Variants in ERI1 observed in about 807,000 individuals in gnomAD.
ERI1 encodes 3'-5' exoribonuclease 1.
ERI1 carries 39 observed loss-of-function variants against 39.7 expected under a neutral mutation model. The observed-to-expected ratio is 0.98, with a 90% CI of 0.76 to 1.28. The LOEUF is 1.28. Ranked by LOEUF, ERI1 falls within the 50% of genes most tolerant of loss-of-function variation. The probability of loss-of-function intolerance (pLI) is 0.00; values close to 1 mark genes in which losing one functional copy is unlikely to be tolerated. For synonymous variants in ERI1, 204 were observed against 149.6 expected (o/e 1.36, Z -2.65); for missense variants, 581 against 416.9 (o/e 1.39, Z -3.43).
At chr8:9,065,898 C>A (rs980343977) in intron 3 of ERI1, among the ~76,000 whole-genome samples, 6 of 152,044 alleles carry the variant, frequency 3.9e-5, no homozygotes, top group Non-Finnish European at 8.8e-5. Context: ...AGTGTGTCAC[C>A]AGCAGGTGGC....
intron 1 of ERI1, among the ~76,000 whole-genome samples, chr8:9,006,013 A>C (rs1337852357): frequency 1.3e-5 from 2 of 152,202 alleles, no homozygotes; most frequent in Non-Finnish European, 2.9e-5. Context: ...TTCTCATTAT[A>C]TGGTCCGTAT....
intron 6 of ERI1, among the ~76,000 whole-genome samples, chr8:9,026,877 T>A (rs1797203300): frequency 6.6e-6 from 1 of 152,028 alleles, no homozygotes; most frequent in Non-Finnish European, 1.5e-5. Context: ...AAAAATCCAT[T>A]GATTGTTTGA....
In ERI1 at chr8:9,032,547, A is replaced by C. The variant is rs193040192; in HGVS notation, c.*2513A>C. ...GATAGATCCATTTATCCTGCCTCCT[A>C]GGGAGAAGTTTCTGCCTGGATTGAA... On this transcript the variant is annotated 3_prime_UTR_variant, in exon 7 of 7. Transcript: ENST00000250263. The C allele has an allele frequency of 6.6e-6, 1 of 152,128 alleles. No homozygotes were observed. The highest frequency in any genetic ancestry group is 2.4e-5 in the African/African-American group (1 of 41,422). The allele number at this position is 152,128 out of a possible 1,614,324, so 9.4% of individuals were successfully genotyped here. A position where few individuals can be genotyped will look rare whatever the true frequency, so the allele number is the denominator to read the frequency against.
intron 6 of ERI1, among the ~76,000 whole-genome samples, chr8:9,024,818 GTTTTC>G (rs954786945): frequency 4.6e-5 from 7 of 151,920 alleles, no homozygotes; most frequent in African/African-American, 9.7e-5. Flanking sequence ...TGTAAAATGT[GTTTTC>G]TTTTTTTTTG....
intron 2 of ERI1, among the ~76,000 whole-genome samples, chr8:9,010,281 C>G (rs1816521926): frequency 6.6e-6 from 1 of 152,060 alleles, no homozygotes; most frequent in African/African-American, 2.4e-5. Flanking sequence ...TGTAGTCTCT[C>G]CCCCTATCAC....
chr8:9,047,149 G>A (rs1254414291), intron 3 of ERI1, among the ~76,000 whole-genome samples: 1 of 152,200 alleles, frequency 6.6e-6, no homozygotes, highest in Non-Finnish European at 1.5e-5. Context: ...CCTGCACAGG[G>A]CACTTAGATA....
At chr8:9,044,643 A>G (rs182952557) in intron 3 of ERI1, among the ~76,000 whole-genome samples, 141 of 152,242 alleles carry the variant, frequency 9.3e-4, no homozygotes, top group African/African-American at 3.2e-3. Context: ...AACACAAGCT[A>G]AGCCTTGAAG....
Position 9,032,724 on chromosome 8 carries a change from C to G in ERI1, c.*2690C>G, listed in dbSNP as rs1330253457. The G allele has an allele frequency of 4.6e-5, 7 of 152,114 alleles. No individual in the cohort carries two copies. 9.4% of individuals were successfully genotyped at this position (152,114 alleles called of 1,614,324 possible). A position where few individuals can be genotyped will look rare whatever the true frequency, so the allele number is the denominator to read the frequency against. On this transcript the variant is annotated 3_prime_UTR_variant, in exon 7 of 7. Coordinates refer to ENST00000250263, the MANE Select transcript of ERI1 (RefSeq NM_153332.4). ...TTATCCCCAAAATGATAATGCAAAA[C>G]AGAATAATTTGGAGACCAGGAGAAA...
At chr8:9,024,541 G>A (rs896628925) in intron 6 of ERI1, among the ~76,000 whole-genome samples, 1 of 151,834 alleles carries the variant, frequency 6.6e-6, no homozygotes, top group African/African-American at 2.4e-5. Flanking sequence ...CTGCCTCAGC[G>A]TCTCAAGTAG....
intron 4 of ERI1, among the ~76,000 whole-genome samples, chr8:9,018,021 C>T (rs1817486625): frequency 6.6e-6 from 1 of 152,134 alleles, no homozygotes; most frequent in African/African-American, 2.4e-5. Context: ...CCGCTAGGTT[C>T]AGGCCTATAA....
At chr8:9,054,175 T>C (rs1228916284) in intron 3 of ERI1, among the ~76,000 whole-genome samples, 1 of 152,210 alleles carries the variant, frequency 6.6e-6, no homozygotes, top group African/African-American at 2.4e-5. Flanking sequence ...TGATATAAAT[T>C]GTAGTGGGAA....
At chr8:9,074,035 C>G (rs1271603458) in intron 3 of ERI1, among the ~76,000 whole-genome samples, 3 of 152,178 alleles carry the variant, frequency 2.0e-5, no homozygotes, top group East Asian at 3.8e-4. Context: ...ATCTTCCTGC[C>G]TTGGCCTCCC....
chr8:9,037,172 C>G (rs1477014481), downstream of ERI1, among the ~76,000 whole-genome samples: 1 of 152,192 alleles, frequency 6.6e-6, no homozygotes, highest in African/African-American at 2.4e-5. Flanking sequence ...AAACTCAGCT[C>G]TCTGTTGGCA....
chr8:9,018,245 C>A, intron 4 of ERI1, 52 bp from the exon 5 acceptor site: 2 of 1,030,774 alleles, frequency 1.9e-6, no homozygotes, highest in South Asian at 2.8e-5. Context: ...TTTTGTAGGT[C>A]TACGTGAAGC....
In ERI1 at chr8:9,002,992, C is replaced by G. The variant is rs756142197; in HGVS notation, c.-72C>G. 1 of 1,049,638 alleles carries G rather than the reference C, an allele frequency of 9.5e-7. No homozygotes were observed. The highest frequency in any genetic ancestry group is 1.2e-6 in the Non-Finnish European group (1 of 813,806). The allele number at this position is 1,049,638 out of a possible 1,614,324, so 65.0% of individuals were successfully genotyped here. A position where few individuals can be genotyped will look rare whatever the true frequency, so the allele number is the denominator to read the frequency against. On this transcript the variant is annotated 5_prime_UTR_variant, in exon 1 of 7. Transcript: ENST00000250263. ...AATTTTTCAACGGAGAAAGGCGAGG[C>G]TTTCGGGCTCTGCAGAGTGAGAGTT...
At chr8:9,094,896 A>G (rs558307103) in intron 3 of ERI1, among the ~76,000 whole-genome samples, 1 of 152,306 alleles carries the variant, frequency 6.6e-6, no homozygotes, top group Admixed American at 6.5e-5. Flanking sequence ...TAGTATGTAT[A>G]TGTGTTACGG....
chr8:9,046,442 C>A (rs1450923116), intron 3 of ERI1, among the ~76,000 whole-genome samples: 1 of 152,206 alleles, frequency 6.6e-6, no homozygotes, highest in African/African-American at 2.4e-5. Flanking sequence ...GGCCACACTC[C>A]TCTCCTTGCT....
chr8:9,004,965 G>T (rs186905348), intron 1 of ERI1, among the ~76,000 whole-genome samples: 268 of 152,312 alleles, frequency 1.8e-3, no homozygotes, highest in Middle Eastern at 3.4e-3. Context: ...TGGGATTACA[G>T]GCAATGAGCC....
At chr8:9,003,439 C>T (rs1389484074) in intron 1 of ERI1, among the ~76,000 whole-genome samples, 3 of 152,218 alleles carry the variant, frequency 2.0e-5, no homozygotes, top group Non-Finnish European at 4.4e-5. Flanking sequence ...GGGAGTTTTG[C>T]TTTAAACTTA....
Sources: allele counts gnomAD v4.1 joint callset (sites outside exome capture counted in the v4.1 genomes callset), GRCh38; gene constraint gnomAD v4.1.1; transcripts MANE v1.5; gene names NCBI Gene and HGNC (gene_info 2026-07-23, HGNC 2026-07-21).